Variants in PCED1B observed in about 807,000 individuals in gnomAD.
PCED1B encodes PC-esterase domain-containing protein 1B.
For synonymous variants in PCED1B, 251 were observed against 246.1 expected (o/e 1.02, Z -0.19); for missense variants, 573 against 573.9 (o/e 1.00, Z 0.02).
intron 2 of PCED1B, among the ~76,000 whole-genome samples, chr12:47,176,241 C>A (rs1156744569): frequency 2.0e-5 from 3 of 152,176 alleles, no homozygotes; most frequent in Non-Finnish European, 4.4e-5. Context: ...CTTGTAATTT[C>A]CTAAGCAATA....
chr12:47,160,782 T>C (rs1043185200), intron 2 of PCED1B, among the ~76,000 whole-genome samples: 19 of 152,210 alleles, frequency 1.2e-4, no homozygotes, highest in Non-Finnish European at 2.5e-4. Context: ...CTTAATTCCC[T>C]TTGTGGCAAT....
At chr12:47,135,567 G>T in intron 2 of PCED1B, 1 of 515,216 alleles carries the variant, frequency 1.9e-6, no homozygotes, top group Non-Finnish European at 4.0e-6. Context: ...GGGCCCAGAT[G>T]TTCAGGCACT....
At chr12:47,080,537 G>A (rs1302615526) in intron 1 of PCED1B, among the ~76,000 whole-genome samples, 2 of 152,174 alleles carry the variant, frequency 1.3e-5, no homozygotes, top group Non-Finnish European at 2.9e-5. Context: ...CCTCTCCACA[G>A]GGATATCTGC....
At chr12:47,164,167 G>A (rs1398949293) in intron 2 of PCED1B, among the ~76,000 whole-genome samples, 4 of 152,172 alleles carry the variant, frequency 2.6e-5, no homozygotes, top group African/African-American at 9.7e-5. Flanking sequence ...CAAAAGTCAT[G>A]TTCTTCTCAC....
intron 1 of PCED1B, among the ~76,000 whole-genome samples, chr12:47,092,118 T>G (rs1156257616): frequency 6.6e-6 from 1 of 152,106 alleles, no homozygotes; most frequent in Non-Finnish European, 1.5e-5. Context: ...TAGATGAATG[T>G]ATTAATTTGG....
intron 2 of PCED1B, among the ~76,000 whole-genome samples, chr12:47,169,405 T>C (rs1941647470): frequency 6.6e-6 from 1 of 152,110 alleles, no homozygotes; most frequent in Admixed American, 6.5e-5. Context: ...AGTGTCAGAG[T>C]GTCCTTTCTG....
chr12:47,171,691 G>C (rs1462917487), intron 2 of PCED1B, among the ~76,000 whole-genome samples: 1 of 152,134 alleles, frequency 6.6e-6, no homozygotes, highest in Non-Finnish European at 1.5e-5. Flanking sequence ...TCTTGCCTCA[G>C]ATATAAAATT....
intron 2 of PCED1B, among the ~76,000 whole-genome samples, chr12:47,180,734 C>T (rs1054136848): frequency 2.0e-5 from 3 of 151,826 alleles, no homozygotes; most frequent in African/African-American, 4.8e-5. Context: ...CTACAAGGAA[C>T]TTAAACAAAT....
intron 2 of PCED1B, chr12:47,208,496 C>A (rs553480104): frequency 6.6e-6 from 1 of 152,234 alleles, no homozygotes; most frequent in African/African-American, 2.4e-5. Context: ...CTCTACCTCC[C>A]AGGTTCAAGC....
intron 2 of PCED1B, among the ~76,000 whole-genome samples, chr12:47,158,982 G>A (rs1009951232): frequency 1.3e-5 from 2 of 152,070 alleles, no homozygotes; most frequent in Non-Finnish European, 1.5e-5. Context: ...TCTCCCGTAT[G>A]AGTAAGAACA....
intron 2 of PCED1B, among the ~76,000 whole-genome samples, chr12:47,110,676 G>A (rs938583032): frequency 5.9e-5 from 9 of 152,200 alleles, no homozygotes; most frequent in Admixed American, 3.9e-4. Context: ...TTTGGGAGCC[G>A]TCTGTGTCAC....
chr12:47,193,293 T>G (rs981184496), intron 2 of PCED1B, among the ~76,000 whole-genome samples: 6 of 152,328 alleles, frequency 3.9e-5, no homozygotes, highest in African/African-American at 7.2e-5. Flanking sequence ...TTCCGGCATC[T>G]GACCGTCCCC....
At chr12:47,220,080 A>AG (rs1235393504) in intron 3 of PCED1B, among the ~76,000 whole-genome samples, 8 of 147,610 alleles carry the variant, frequency 5.4e-5, no homozygotes, top group Admixed American at 1.4e-4. Context: ...AAAAAAAAAA[A>AG]AAAAAAAAAA....
At chr12:47,165,520 T>C (rs1941517354) in intron 2 of PCED1B, among the ~76,000 whole-genome samples, 1 of 152,238 alleles carries the variant, frequency 6.6e-6, no homozygotes, top group Admixed American at 6.5e-5. Context: ...TTATTTATTG[T>C]CAGTTGTTTT....
At chr12:47,176,801 G>A (rs563564941) in intron 2 of PCED1B, among the ~76,000 whole-genome samples, 2 of 152,114 alleles carry the variant, frequency 1.3e-5, no homozygotes, top group African/African-American at 4.8e-5. Flanking sequence ...TTAACCTTTG[G>A]GATCTGACGC....
chr12:47,196,678 A>AT (rs1318452028), intron 2 of PCED1B, among the ~76,000 whole-genome samples: 1 of 152,188 alleles, frequency 6.6e-6, no homozygotes, highest in Non-Finnish European at 1.5e-5. Flanking sequence ...AATTGCAAAA[A>AT]TTATCTGGGC....
Position 47,181,340 on chromosome 12 carries a change from A to G in PCED1B, c.-525-34882A>G, listed in dbSNP as rs915558439. Among the ~76,000 whole-genome samples, 5 of 151,816 alleles carry G rather than the reference A, an allele frequency of 3.3e-5. No homozygotes were observed. In the East Asian group the frequency reaches 9.7e-4, roughly 30 times the overall value. Reference sequence around the variant, plus strand: ...TGCATTATTTTCTAATATATATTAGAAAGAATATTAGAATGAGATAGATTC... The same window carrying G: ...TGCATTATTTTCTAATATATATTAGGAAGAATATTAGAATGAGATAGATTC... On this transcript the variant is annotated intron_variant, in intron 2 of 3. Coordinates refer to ENST00000546455, the MANE Select transcript of PCED1B (RefSeq NM_138371.3).
In PCED1B at chr12:47,235,033, G is replaced by A. The variant is rs1407031320; in HGVS notation, c.-31G>A. 1.3e-6 allele frequency: 2 copies of A among 1,506,960 alleles called. No individual in the cohort carries two copies. The highest frequency in any genetic ancestry group is 8.9e-7 in the Non-Finnish European group (1 of 1,127,330). 93.3% of individuals were successfully genotyped at this position (1,506,960 alleles called of 1,614,324 possible). A position where few individuals can be genotyped will look rare whatever the true frequency, so the allele number is the denominator to read the frequency against. On this transcript the variant is annotated 5_prime_UTR_variant, in exon 4 of 4. Coordinates refer to ENST00000546455, the MANE Select transcript of PCED1B (RefSeq NM_138371.3). ...CATCCGCAGAGCCATCCTGTGCAAA[G>A]GAAGGAGCTAGGCTGTGCGCCCTGG...
chr12:47,120,695 G>A (rs137973475), intron 2 of PCED1B, among the ~76,000 whole-genome samples: 1,569 of 152,130 alleles, frequency 0.01, 25 homozygotes, highest in African/African-American at 0.036. Flanking sequence ...CCAGCTACTC[G>A]AGAGGCTGAG....
Sources: allele counts gnomAD v4.1 joint callset (sites outside exome capture counted in the v4.1 genomes callset), GRCh38; gene constraint gnomAD v4.1.1; transcripts MANE v1.5; gene names NCBI Gene and HGNC (gene_info 2026-07-23, HGNC 2026-07-21).